The following FGD3 variants were observed in gnomAD, a reference collection of about 807,000 sequenced individuals.
FGD3 encodes the protein FYVE, RhoGEF and PH domain-containing protein 3.
A neutral mutation model predicts 71.8 loss-of-function variants in FGD3; 45 were observed. The ratio of observed to expected loss-of-function variants is 0.63; its 90% CI spans 0.49 to 0.80. The LOEUF is 0.80. Among genes scored for constraint, FGD3 ranks in the 30% least tolerant of loss-of-function variants. The probability of loss-of-function intolerance (pLI) is 0.00; values close to 1 mark genes in which losing one functional copy is unlikely to be tolerated. For missense variants in FGD3, 844 were observed against 951.5 expected (o/e 0.89, Z 1.49); for synonymous variants, 378 against 392.8 (o/e 0.96, Z 0.44).
chr9:93,034,441 C>T (rs1862504992), intron 16 of FGD3, 100 bp from the exon 17 acceptor site: 1 of 1,428,524 alleles, frequency 7.0e-7, no homozygotes, highest in Admixed American at 2.4e-5. Context: ...CCACAGCCAG[C>T]TCCCCCCAAG....
chr9:93,021,958 C>T (rs1032103259), intron 13 of FGD3, among the ~76,000 whole-genome samples: 25 of 152,112 alleles, frequency 1.6e-4, no homozygotes, highest in Non-Finnish European at 2.4e-4. Context: ...CTGAGAAAGT[C>T]GGGGAGCTGC....
chr9:93,019,594 T>C (rs1268104146), intron 11 of FGD3, among the ~76,000 whole-genome samples: 1 of 152,198 alleles, frequency 6.6e-6, no homozygotes, highest in Non-Finnish European at 1.5e-5. Flanking sequence ...ATCTTCATAA[T>C]GACCCATTAT....
chr9:92,949,071 C>A lies in FGD3; in HGVS notation c.-218+1342C>A, dbSNP rs571363741. 9.8e-5 allele frequency among the ~76,000 whole-genome samples: 15 copies of A among 152,302 alleles called. No homozygotes were observed. In the South Asian group the frequency reaches 2.5e-3, roughly 25 times the overall value. ...CTTTAGTTGGGCTCCTAGGGGACTG[C>A]AGGCTTCTTCAAGCCCATCGTGGTA... On this transcript the variant is annotated intron_variant, in intron 1 of 17. Coordinates refer to ENST00000375482, the MANE Select transcript of FGD3 (RefSeq NM_001083536.2).
chr9:93,029,003 T>G (rs572564421), intron 14 of FGD3, among the ~76,000 whole-genome samples: 861 of 32,482 alleles, frequency 0.027, 36 homozygotes, highest in African/African-American at 0.056. Context: ...CAGTTTTTTT[T>G]TTTTTTTTTT....
At chr9:93,029,397 A>G (rs983773878) in intron 14 of FGD3, among the ~76,000 whole-genome samples, 2 of 152,032 alleles carry the variant, frequency 1.3e-5, no homozygotes, top group African/African-American at 4.8e-5. Context: ...GTGCACACCT[A>G]TATTCATCCA....
At chr9:92,952,687 TC>T (rs1452175712) in intron 1 of FGD3, among the ~76,000 whole-genome samples, 18 of 151,190 alleles carry the variant, frequency 1.2e-4, no homozygotes, top group African/African-American at 4.4e-4. Flanking sequence ...CCTTCCTCAC[TC>T]CCTCCCTTCT....
Position 93,004,116 on chromosome 9 carries a change from A to T in FGD3, c.659A>T (p.Lys220Met). Residue 220 changes from lysine to methionine, a missense_variant, in exon 5 of 18, where the codon AAG (lysine) becomes ATG (methionine). Coordinates refer to ENST00000375482, the MANE Select transcript of FGD3 (RefSeq NM_001083536.2). ...FHGQFLLPEL[K>M]TRITEEWDTN... The stretch of plus-strand genomic sequence containing the variant: ...GGGCAGTTCCTGCTGCCGGAGCTGA[A>T]GACGCGGATCACGGAGGAGTGGTGA... 2.5e-6 allele frequency: 4 copies of T among 1,614,070 alleles called. No individual in the cohort carries two copies. Among genetic ancestry groups the T allele is most frequent in the Non-Finnish European group, 3.4e-6 (4 of 1,180,040 alleles).
In FGD3 at chr9:93,010,271, C is replaced by T. The variant is rs755043462; in HGVS notation, c.863C>T (p.Thr288Met). 1.2e-5 allele frequency: 19 copies of T among 1,611,326 alleles called. No homozygotes were observed. The highest frequency in any genetic ancestry group is 6.7e-5 in the East Asian group (3 of 44,792). Reference protein sequence around the residue: ...IQKQEVCGNLTLQHHMLEPVQ... With the variant: ...IQKQEVCGNLMLQHHMLEPVQ... ...AAGCAGGAGGTATGCGGGAACCTGA[C>T]GCTGCAGCACCACATGCTGGAGCCC... Residue 288 changes from threonine to methionine, a missense_variant, in exon 7 of 18, where the codon ACG (threonine) becomes ATG (methionine). Coordinates refer to ENST00000375482, the MANE Select transcript of FGD3 (RefSeq NM_001083536.2).
At position 93,003,342 on chromosome 9, in the gene FGD3, T is replaced by C. The variant is rs1385575935; in HGVS notation, c.543+328T>C. 6.6e-6 allele frequency among the ~76,000 whole-genome samples: 1 copy of C among 152,212 alleles called. No homozygotes were observed. The highest frequency in any genetic ancestry group is 1.5e-5 in the Non-Finnish European group (1 of 68,038). On this transcript the variant is annotated intron_variant, in intron 4 of 17. Coordinates refer to ENST00000375482, the MANE Select transcript of FGD3 (RefSeq NM_001083536.2). This position sits in a 1 kb window ranked among gnomAD's most constrained non-coding sequence, Gnocchi z 4.1. Reference sequence around the variant, plus strand: ...CGGGGTTTCACCATATTTGTCAGGCTGGTCTTGAACTCCTGACCTCAGGTG... The same window carrying C: ...CGGGGTTTCACCATATTTGTCAGGCCGGTCTTGAACTCCTGACCTCAGGTG...
chr9:93,008,972 A>G (rs1395128187), intron 6 of FGD3, among the ~76,000 whole-genome samples: 1 of 151,350 alleles, frequency 6.6e-6, no homozygotes, highest in Non-Finnish European at 1.5e-5. Context: ...CAAAAAAAAA[A>G]AAAAAGTTTT....
At chr9:92,972,338 G>A (rs10122374) in intron 1 of FGD3, among the ~76,000 whole-genome samples, 2,288 of 151,728 alleles carry the variant, frequency 0.015, 61 homozygotes, top group African/African-American at 0.052. Flanking sequence ...TGTAATCCCA[G>A]CTACTCAGGA....
intron 17 of FGD3, among the ~76,000 whole-genome samples, chr9:93,035,009 G>T (rs1463272062): frequency 6.6e-6 from 1 of 152,182 alleles, no homozygotes; most frequent in Non-Finnish European, 1.5e-5. Flanking sequence ...AGCCCCAGTT[G>T]CTACTCTGTC....
chr9:93,011,366 TG>T, intron 8 of FGD3, 94 bp downstream of exon 8: 10 of 1,480,230 alleles, frequency 6.8e-6, no homozygotes, highest in Non-Finnish European at 9.4e-6. Context: ...CGCTATCCTT[TG>T]GGGGGCTCCA....
chr9:92,995,509 A>T (rs970461385), intron 3 of FGD3, among the ~76,000 whole-genome samples: 3 of 152,196 alleles, frequency 2.0e-5, no homozygotes, highest in Non-Finnish European at 2.9e-5. Flanking sequence ...TTCCAACACT[A>T]CGTTGAATAG....
intron 1 of FGD3, among the ~76,000 whole-genome samples, chr9:92,959,279 G>A (rs1236044148): frequency 6.6e-6 from 1 of 151,740 alleles, no homozygotes; most frequent in Non-Finnish European, 1.5e-5. Flanking sequence ...TTGTATTATA[G>A]TAATTATTTT....
chr9:92,968,226 A>G (rs1859402259), intron 1 of FGD3, among the ~76,000 whole-genome samples: 2 of 152,084 alleles, frequency 1.3e-5, no homozygotes, highest in African/African-American at 4.8e-5. Context: ...TGCCAGGGCT[A>G]TGGGTCATGA....
intron 14 of FGD3, among the ~76,000 whole-genome samples, chr9:93,028,901 C>G (rs575991160): frequency 1.3e-5 from 2 of 152,182 alleles, no homozygotes; most frequent in East Asian, 3.9e-4. Context: ...CCACACCACC[C>G]TCCTCTGTAG....
rs1323701222 is a variant in FGD3 at position 93,034,681 on chromosome 9, G to A, written c.1926G>A (p.Gln642=). The change falls in exon 17 of 18, where the codon CAG becomes CAA. Residue 642 remains glutamine (Q), a splice_region_variant and synonymous_variant. Coordinates refer to ENST00000375482, the MANE Select transcript of FGD3 (RefSeq NM_001083536.2). The part of the protein sequence containing the change: ...PQVLHLQGGS[Q]DGRLPRTIPL... ...TGCTGCACCTGCAGGGAGGCAGCCA[G>A]GTACGTGTCCCCACCCCACCAGGCC... is the stretch of plus-strand genomic sequence containing the variant. The A allele has an allele frequency of 6.2e-7, 1 of 1,612,114 alleles. No individual in the cohort carries two copies. Among genetic ancestry groups the A allele is most frequent in the African/African-American group, 1.3e-5 (1 of 74,874 alleles).
Position 93,035,690 on chromosome 9 carries a change from TG to T in FGD3, c.*104del. The T allele has an allele frequency of 6.9e-7, 1 of 1,449,846 alleles. No individual in the cohort carries two copies. Among genetic ancestry groups the T allele is most frequent in the Non-Finnish European group, 9.1e-7 (1 of 1,096,436 alleles). 89.8% of individuals were successfully genotyped at this position (1,449,846 alleles called of 1,614,324 possible). A position where few individuals can be genotyped will look rare whatever the true frequency, so the allele number is the denominator to read the frequency against. ...GAAGAGCGCCCTGGACTGCTGAGGGTGGGCCAACAGCCCAGAGCTCAGGACA... is the reference window on the plus strand; with the variant it reads ...GAAGAGCGCCCTGGACTGCTGAGGGTGGCCAACAGCCCAGAGCTCAGGACA... On this transcript the variant is annotated 3_prime_UTR_variant, in exon 18 of 18. Transcript: ENST00000375482.
Sources: gnomAD v4.1 joint callset for allele counts (sites outside exome capture counted in the v4.1 genomes callset) on GRCh38, gnomAD v4.1.1 for gene constraint, Gnocchi (gnomAD v3.1) non-coding constraint, MANE v1.5 for transcripts, NCBI Gene and HGNC (gene_info 2026-07-23, HGNC 2026-07-21) for gene names.